The following ANKRD61 variants were observed in gnomAD, a reference collection of about 807,000 sequenced individuals.
ANKRD61 encodes ankyrin repeat domain-containing protein 61.
Under a neutral mutation model 8.4 loss-of-function variants are expected in ANKRD61, and 7 were observed. That is an observed-to-expected ratio of 0.84 (90% CI 0.48 to 1.57). The LOEUF is 1.57. Ranked by LOEUF, ANKRD61 falls within the 40% of genes most tolerant of loss-of-function variation. The pLI is 0.00. For synonymous variants in ANKRD61, 198 were observed against 208.0 expected (o/e 0.95, Z 0.41); for missense variants, 516 against 523.4 (o/e 0.99, Z 0.14).
In ANKRD61 at chr7:6,035,304, G is replaced by C. The variant is rs187793586; in HGVS notation, c.315-140G>C. On this transcript the variant is annotated intron_variant, in intron 2 of 2. Coordinates refer to ENST00000409061, the MANE Select transcript of ANKRD61 (RefSeq NM_001271700.2). This position sits in a 1 kb window ranked among gnomAD's most constrained non-coding sequence, Gnocchi z 5.5. ...GGGATAGCCTGAGAAACTACCCAGC[G>C]ATACAGATTTTGAAACACGTCCTTA... 52 of 860,578 alleles carry C rather than the reference G, an allele frequency of 6.0e-5. No homozygotes were observed. Among genetic ancestry groups the C allele is most frequent in the African/African-American group, 4.4e-4 (26 of 58,712 alleles). The allele number at this position is 860,578 out of a possible 1,614,324, so 53.3% of individuals were successfully genotyped here.
At chr7:6,034,903 G>A (rs542748382) in intron 2 of ANKRD61, among the ~76,000 whole-genome samples, 3 of 152,192 alleles carry the variant, frequency 2.0e-5, no homozygotes, top group South Asian at 2.1e-4. Flanking sequence ...ACACACTCAC[G>A]CAGAAAAATG....
At position 6,035,388 on chromosome 7, in the gene ANKRD61, C is replaced by T. The variant is rs528304867; in HGVS notation, c.315-56C>T. On this transcript the variant is annotated intron_variant, in intron 2 of 2. Transcript: ENST00000409061. The surrounding 1 kb of genome is among the most constrained non-coding windows in gnomAD (Gnocchi z 5.5). ...TGGCTTCTTAAGCATTAACTGTCCA[C>T]GTAGAGCCGTTCCCACTGTGAATTC... 1.0e-5 allele frequency: 15 copies of T among 1,464,656 alleles called. No homozygotes were observed. The highest frequency in any genetic ancestry group is 2.0e-5 in the Admixed American group (1 of 48,846). The allele number at this position is 1,464,656 out of a possible 1,614,324, so 90.7% of individuals were successfully genotyped here.
Position 6,035,913 on chromosome 7 carries a change from C to A in ANKRD61, c.784C>A (p.Arg262Ser). The change falls in exon 3 of 3, where the codon CGT becomes AGT. Residue 262 changes from arginine (R) to serine (S), a missense_variant. By Grantham distance (110) the Arg-to-Ser change is moderately radical. Transcript: ENST00000409061. The surrounding 1 kb of genome is among the most constrained non-coding windows in gnomAD (Gnocchi z 5.5). Reference sequence around the variant, plus strand: ...CCTCGGGGCGGGGGTCAGCTGCATCCGTCTGCTACTCACTCACGGAGCCAA... The same window carrying A: ...CCTCGGGGCGGGGGTCAGCTGCATCAGTCTGCTACTCACTCACGGAGCCAA... ...RLLGAGVSCI[R>S]LLLTHGAKVN... 1 of 1,546,624 alleles carries A rather than the reference C, an allele frequency of 6.5e-7. No homozygotes were observed. The highest frequency in any genetic ancestry group is 2.4e-5 in the East Asian group (1 of 40,860).
Position 6,031,562 on chromosome 7 carries a change from T to A in ANKRD61, c.187T>A (p.Ser63Thr), listed in dbSNP as rs1245914166. ...VNQPITILPN[S>T]ASNRLLLTQP... is the part of the protein sequence containing the mutation. ...CCAGCCCATCACCATTCTGCCCAAC[T>A]CCGCCAGCAACAGATTACTTCTGAC... The change falls in exon 1 of 3, where the codon TCC becomes ACC. Residue 63 changes from serine (S) to threonine (T), a missense_variant. Coordinates refer to ENST00000409061, the MANE Select transcript of ANKRD61 (RefSeq NM_001271700.2). 4 of 1,550,532 alleles carry A rather than the reference T, an allele frequency of 2.6e-6. No individual in the cohort carries two copies. The highest frequency in any genetic ancestry group is 3.5e-6 in the Non-Finnish European group (4 of 1,147,000).
rs1029736366 is a variant in ANKRD61, at chr7:6,036,207, C to T, written c.1078C>T (p.Arg360Cys). 2.3e-5 allele frequency: 36 copies of T among 1,549,576 alleles called. 1 individual carries two copies. The highest frequency in any genetic ancestry group is 1.7e-4 in the Middle Eastern group (1 of 6,002). ...LPAGIMLPEF[R>C]LLRDTLIKQS... is the part of the protein sequence containing the mutation. Reference sequence around the variant, plus strand: ...TGCAGGAATCATGCTACCAGAATTCCGCCTCTTAAGGGACACCCTAATAAA... The same window carrying T: ...TGCAGGAATCATGCTACCAGAATTCTGCCTCTTAAGGGACACCCTAATAAA... The change falls in exon 3 of 3, where the codon CGC (arginine) becomes TGC (cysteine). Residue 360 changes from arginine to cysteine, a missense_variant. By Grantham distance (180) the Arg-to-Cys change is radical. Coordinates refer to ENST00000409061, the MANE Select transcript of ANKRD61 (RefSeq NM_001271700.2). This position sits in a 1 kb window ranked among gnomAD's most constrained non-coding sequence, Gnocchi z 4.6.
In ANKRD61 at chr7:6,036,156, A is replaced by C; in HGVS notation, c.1027A>C (p.Met343Leu). 5 of 1,550,254 alleles carry C rather than the reference A, an allele frequency of 3.2e-6. No individual in the cohort carries two copies. The highest frequency in any genetic ancestry group is 4.4e-6 in the Non-Finnish European group (5 of 1,146,754). Reference sequence around the variant, plus strand: ...ACTTTATCACACTTATCCTCTGAGAATGACCAATAACCAAGGAATTCTACC... The same window carrying C: ...ACTTTATCACACTTATCCTCTGAGACTGACCAATAACCAAGGAATTCTACC... ...RLLYHTYPLR[M>L]TNNQGILPAG... The change falls in exon 3 of 3, where the codon ATG becomes CTG. Residue 343 changes from methionine (M) to leucine (L), a missense_variant. By Grantham distance (15) the Met-to-Leu change is conservative. Coordinates refer to ENST00000409061, the MANE Select transcript of ANKRD61 (RefSeq NM_001271700.2). The surrounding 1 kb of genome is among the most constrained non-coding windows in gnomAD (Gnocchi z 4.6).
rs1490240232 is a variant in ANKRD61 at position 6,035,910 on chromosome 7, A to G, written c.781A>G (p.Ile261Val). Reference protein sequence around the residue: ...GRLLGAGVSCIRLLLTHGAKV... With the variant: ...GRLLGAGVSCVRLLLTHGAKV... ...ACTCCTCGGGGCGGGGGTCAGCTGC[A>G]TCCGTCTGCTACTCACTCACGGAGC... is the stretch of plus-strand genomic sequence containing the variant. Residue 261 changes from isoleucine (I) to valine (V), a missense_variant, in exon 3 of 3, where the codon ATC becomes GTC. By Grantham distance (29) the Ile-to-Val change is conservative. Coordinates refer to ENST00000409061, the MANE Select transcript of ANKRD61 (RefSeq NM_001271700.2). The surrounding 1 kb of genome is among the most constrained non-coding windows in gnomAD (Gnocchi z 5.5). 7 of 1,546,800 alleles carry G rather than the reference A, an allele frequency of 4.5e-6. No individual in the cohort carries two copies. In the Admixed American group the frequency reaches 7.9e-5, roughly 17 times the overall value.
At position 6,035,128 on chromosome 7, in the gene ANKRD61, G is replaced by C. The variant is rs1358478269; in HGVS notation, c.315-316G>C. Among the ~76,000 whole-genome samples, 1 of 151,988 alleles carries C rather than the reference G, an allele frequency of 6.6e-6. No homozygotes were observed. The highest frequency in any genetic ancestry group is 1.5e-5 in the Non-Finnish European group (1 of 68,026). ...CACAGCCCTAGCGGGGACGGCACAG[G>C]TAAAACAGGCTGCTCCAAGAAGCTG... On this transcript the variant is annotated intron_variant, in intron 2 of 2. Transcript: ENST00000409061. The surrounding 1 kb of genome is among the most constrained non-coding windows in gnomAD (Gnocchi z 5.5).
At chr7:6,031,705 G>T in intron 1 of ANKRD61, 114 bp downstream of exon 1, 1 of 1,003,644 alleles carries the variant, frequency 1.0e-6, no homozygotes. Context: ...AATGAGACAC[G>T]ACTCCAGCTC....
rs1033726052 is a variant in ANKRD61 at position 6,032,070 on chromosome 7, C to T, written c.216+479C>T. Among the ~76,000 whole-genome samples the T allele has an allele frequency of 2.6e-5, 4 of 152,110 alleles. No individual in the cohort carries two copies. In the East Asian group the frequency reaches 5.8e-4, roughly 22 times the overall value. On this transcript the variant is annotated intron_variant, in intron 1 of 2. Coordinates refer to ENST00000409061, the MANE Select transcript of ANKRD61 (RefSeq NM_001271700.2). This position sits in a 1 kb window ranked among gnomAD's most constrained non-coding sequence, Gnocchi z 4.3. ...GAGCCTGTAATCTCAGCTACTCGGA[C>T]GGCTGAGGCAGGAGAATTGCTTGAA...
In ANKRD61 at chr7:6,036,368, C is replaced by G; in HGVS notation, c.1239C>G (p.Asp413Glu). The stretch of plus-strand genomic sequence containing the variant: ...GGAATTCTGTCTACTGCTGTTATGA[C>G]TTGGCATATACCTCTTGAAATAAGA... ...TIWNSVYCCY[D>E]LAYTS Residue 413 changes from aspartate (D) to glutamate (E), a missense_variant, in exon 3 of 3, where the codon GAC (aspartate) becomes GAG (glutamate). Physicochemically the swap from Asp to Glu is conservative, Grantham distance 45. Coordinates refer to ENST00000409061, the MANE Select transcript of ANKRD61 (RefSeq NM_001271700.2). This position sits in a 1 kb window ranked among gnomAD's most constrained non-coding sequence, Gnocchi z 4.6. 1 of 1,507,310 alleles carries G rather than the reference C, an allele frequency of 6.6e-7. No individual in the cohort carries two copies. The highest frequency in any genetic ancestry group is 8.9e-7 in the Non-Finnish European group (1 of 1,129,370). The allele number at this position is 1,507,310 out of a possible 1,614,324, so 93.4% of individuals were successfully genotyped here.
In ANKRD61 at chr7:6,033,652, ACCATTCTCCTGGGTTCACG is replaced by A. The variant is rs1369622102; in HGVS notation, c.314+728_314+746del. Among the ~76,000 whole-genome samples, 3 of 151,902 alleles carry A rather than the reference ACCATTCTCCTGGGTTCACG, an allele frequency of 2.0e-5. No homozygotes were observed. The highest frequency in any genetic ancestry group is 7.2e-5 in the African/African-American group (3 of 41,382). On this transcript the variant is annotated intron_variant, in intron 2 of 2. Transcript: ENST00000409061. The surrounding 1 kb of genome is among the most constrained non-coding windows in gnomAD (Gnocchi z 4.4). ...GTCGCCCAGGCTGGAGTGCAGTGGC[ACCATTCTCCTGGGTTCACG>A]CCATTCTCCTGCCTCAGCCTCCCAA...
chr7:6,036,288 A>G lies in ANKRD61; in HGVS notation c.1159A>G (p.Ile387Val), dbSNP rs1788090958. Reference protein sequence around the residue: ...QGICKRNIRNIYGEKYKQHLK... With the variant: ...QGICKRNIRNVYGEKYKQHLK... ...TATCTGCAAAAGAAACATCAGGAATATTTATGGTGAGAAATACAAACAGCA... is the reference window on the plus strand; with the variant it reads ...TATCTGCAAAAGAAACATCAGGAATGTTTATGGTGAGAAATACAAACAGCA... Residue 387 changes from isoleucine (I) to valine (V), a missense_variant, in exon 3 of 3, where the codon ATT becomes GTT. Ile to Val is a conservative substitution (Grantham distance 29). Coordinates refer to ENST00000409061, the MANE Select transcript of ANKRD61 (RefSeq NM_001271700.2). This position sits in a 1 kb window ranked among gnomAD's most constrained non-coding sequence, Gnocchi z 4.6. 6.5e-7 allele frequency: 1 copy of G among 1,548,894 alleles called. No individual in the cohort carries two copies. Among genetic ancestry groups the G allele is most frequent in the Non-Finnish European group, 8.7e-7 (1 of 1,146,668 alleles).
In ANKRD61 at chr7:6,032,247, G is replaced by T. The variant is rs12333405; in HGVS notation, c.217-592G>T. Among the ~76,000 whole-genome samples the T allele has an allele frequency of 0.11, 17,470 of 152,136 alleles. 1,180 individuals carry two copies. Among genetic ancestry groups the T allele is most frequent in the African/African-American group, 0.19 (7,855 of 41,490 alleles). Reference sequence around the variant, plus strand: ...TTCATTTTCTAAATTTTTATACAATGATTATTACTTTTACAATTAAATTCA... The same window carrying T: ...TTCATTTTCTAAATTTTTATACAATTATTATTACTTTTACAATTAAATTCA... On this transcript the variant is annotated intron_variant, in intron 1 of 2. Transcript: ENST00000409061. The surrounding 1 kb of genome is among the most constrained non-coding windows in gnomAD (Gnocchi z 4.3).
chr7:6,032,977 T>C lies in ANKRD61; in HGVS notation c.314+41T>C. ...CGAAAATCATTTCTTTTTTTTTCTT[T>C]TTTGTTTTGAGGCAGGGGTCTCGCT... On this transcript the variant is annotated intron_variant, in intron 2 of 2. Coordinates refer to ENST00000409061, the MANE Select transcript of ANKRD61 (RefSeq NM_001271700.2). The surrounding 1 kb of genome is among the most constrained non-coding windows in gnomAD (Gnocchi z 4.3). 1 of 1,517,878 alleles carries C rather than the reference T, an allele frequency of 6.6e-7. No homozygotes were observed. Among genetic ancestry groups the C allele is most frequent in the Non-Finnish European group, 8.9e-7 (1 of 1,121,094 alleles). 94.0% of individuals were successfully genotyped at this position (1,517,878 alleles called of 1,614,324 possible).
chr7:6,034,264 G>A (rs1033425480), intron 2 of ANKRD61, among the ~76,000 whole-genome samples: 5 of 151,886 alleles, frequency 3.3e-5, no homozygotes, highest in Middle Eastern at 3.2e-3. Context: ...CCAAAATCAC[G>A]CCACCACACT....
In ANKRD61 at chr7:6,032,840, C is replaced by T. The variant is rs997225850; in HGVS notation, c.218C>T (p.Pro73Leu). 9 of 1,550,514 alleles carry T rather than the reference C, an allele frequency of 5.8e-6. No individual in the cohort carries two copies. The highest frequency in any genetic ancestry group is 3.9e-5 in the Admixed American group (2 of 50,966). The change falls in exon 2 of 3, where the codon CCG (proline) becomes CTG (leucine). Residue 73 changes from proline to leucine, a missense_variant and splice_region_variant. Coordinates refer to ENST00000409061, the MANE Select transcript of ANKRD61 (RefSeq NM_001271700.2). This position sits in a 1 kb window ranked among gnomAD's most constrained non-coding sequence, Gnocchi z 4.3. Reference protein sequence around the residue: ...SASNRLLLTQPTESIIPIHLA... With the variant: ...SASNRLLLTQLTESIIPIHLA... ...ATGTGTTTTGTTTTCCCTCCAAAGC[C>T]GACAGAGTCTATCATCCCCATCCAT...
rs1306113567 is a variant in ANKRD61, at chr7:6,032,544, C to G, written c.217-295C>G. Among the ~76,000 whole-genome samples, 1 of 152,230 alleles carries G rather than the reference C, an allele frequency of 6.6e-6. No homozygotes were observed. The highest frequency in any genetic ancestry group is 2.1e-4 in the South Asian group (1 of 4,832). ...CATAGCAAGTACCCTTAATATCACA[C>G]CACAGGCTCTTCTGAAGAATCAACT... On this transcript the variant is annotated intron_variant, in intron 1 of 2. Coordinates refer to ENST00000409061, the MANE Select transcript of ANKRD61 (RefSeq NM_001271700.2). This position sits in a 1 kb window ranked among gnomAD's most constrained non-coding sequence, Gnocchi z 4.3.
At position 6,035,505 on chromosome 7, in the gene ANKRD61, A is replaced by G. The variant is rs1788051600; in HGVS notation, c.376A>G (p.Thr126Ala). ...MLLHWPVTST[T>A]WAKPGNRTHR... is the part of the protein sequence containing the mutation. ...ACTGCACTGGCCAGTCACTTCCACC[A>G]CGTGGGCAAAACCAGGCAACAGAAC... Residue 126 changes from threonine (T) to alanine (A), a missense_variant, in exon 3 of 3, where the codon ACG becomes GCG. Transcript: ENST00000409061. The surrounding 1 kb of genome is among the most constrained non-coding windows in gnomAD (Gnocchi z 5.5). The G allele has an allele frequency of 6.4e-7, 1 of 1,550,990 alleles. No homozygotes were observed. Among genetic ancestry groups the G allele is most frequent in the African/African-American group, 1.4e-5 (1 of 73,026 alleles).
Sources: allele counts gnomAD v4.1 joint callset (sites outside exome capture counted in the v4.1 genomes callset), GRCh38; gene constraint gnomAD v4.1.1; non-coding constraint Gnocchi (gnomAD v3.1); transcripts MANE v1.5; gene names NCBI Gene and HGNC (gene_info 2026-07-23, HGNC 2026-07-21).